ARL17B: variants seen among roughly 807,000 people sequenced by gnomAD.
ARL17B encodes the protein ARF like GTPase 17B.
At chr17:46,280,402 A>C (rs1425398138) in intron 4 of ARL17B, among the ~76,000 whole-genome samples, 1 of 150,510 alleles carries the variant, frequency 6.6e-6, no homozygotes, top group Non-Finnish European at 1.5e-5. Flanking sequence ...AGCCCAGTGC[A>C]GTGGCTCACG....
chr17:46,333,373 C>A (rs1259921455), downstream of ARL17B, among the ~76,000 whole-genome samples: 2 of 47,716 alleles, frequency 4.2e-5, no homozygotes, highest in African/African-American at 7.0e-5. Context: ...CATCTGGCTA[C>A]TCTGGGACAA....
chr17:46,279,598 C>G (rs1434788700), intron 4 of ARL17B, among the ~76,000 whole-genome samples: 1 of 147,764 alleles, frequency 6.8e-6, no homozygotes, highest in Non-Finnish European at 1.5e-5. Flanking sequence ...GTCTCCTGGG[C>G]TTAATCCTCC....
chr17:46,281,686 C>T (rs2049767538), intron 4 of ARL17B, among the ~76,000 whole-genome samples: 1 of 152,168 alleles, frequency 6.6e-6, no homozygotes, highest in Admixed American at 6.5e-5. Context: ...CACTGTCACC[C>T]AGGCTGGAGT....
intron 4 of ARL17B, among the ~76,000 whole-genome samples, chr17:46,281,564 G>A (rs946769663): frequency 6.6e-6 from 1 of 152,178 alleles, no homozygotes; most frequent in African/African-American, 2.4e-5. Flanking sequence ...TGAGTAGCTA[G>A]GACTACAGGT....
At chr17:46,281,676 C>T (rs2049767121) in intron 4 of ARL17B, among the ~76,000 whole-genome samples, 1 of 152,152 alleles carries the variant, frequency 6.6e-6, no homozygotes, top group South Asian at 2.1e-4. Flanking sequence ...GTGAGAGTCT[C>T]ACTGTCACCC....
Position 46,308,042 on chromosome 17 carries a change from C to T in ARL17B, c.260-8377G>A, listed in dbSNP as rs193041685. On this transcript the variant is annotated intron_variant, in intron 3 of 4. Transcript: ENST00000434041. ...ATAATAATAATATAATAATAATAAT[C>T]ATCATCATCATCTAGCCAGCTTCAC... Among the ~76,000 whole-genome samples, 2 of 72,334 alleles carry T rather than the reference C, an allele frequency of 2.8e-5. 1 individual carries two copies. Among genetic ancestry groups the T allele is most frequent in the East Asian group, 5.2e-4 (2 of 3,880 alleles). The allele number at this position is 72,334 out of a possible 152,430, so 47.5% of individuals were successfully genotyped here.
chr17:46,278,833 T>C (rs900341868), intron 4 of ARL17B, among the ~76,000 whole-genome samples: 1 of 152,208 alleles, frequency 6.6e-6, no homozygotes, highest in African/African-American at 2.4e-5. Flanking sequence ...ATTTTGCTCT[T>C]GTGGCCCAGG....
In ARL17B at chr17:46,292,984, C is replaced by A. The variant is rs1235033967; in HGVS notation, c.*21+6542G>T. ...TTTTTTTTTTTTTGAGATGGAGTCT[C>A]GCTCTGTTGTCCAGGCTGGAGTGCA... On this transcript the variant is annotated intron_variant, in intron 4 of 4. Transcript: ENST00000570618. 17 of 43,208 alleles carry A rather than the reference C, an allele frequency of 3.9e-4. 3 individuals are homozygous for A. Among genetic ancestry groups the A allele is most frequent in the African/African-American group, 9.1e-4 (16 of 17,604 alleles). The allele number at this position is 43,208 out of a possible 1,614,324, so 2.7% of individuals were successfully genotyped here. A position where few individuals can be genotyped will look rare whatever the true frequency, so the allele number is the denominator to read the frequency against.
At chr17:46,277,918 G>A (rs112243618) in intron 4 of ARL17B, among the ~76,000 whole-genome samples, 17,100 of 149,654 alleles carry the variant, frequency 0.11, no homozygotes, top group Non-Finnish European at 0.17. Flanking sequence ...CTAGGATTAC[G>A]GACATGAGCC....
At chr17:46,277,015 G>A (rs1193873831) in intron 4 of ARL17B, among the ~76,000 whole-genome samples, 2 of 152,214 alleles carry the variant, frequency 1.3e-5, no homozygotes, top group South Asian at 2.1e-4. Flanking sequence ...ATGTTGCCCA[G>A]GCTGGTCTCA....
intron 2 of ARL17B, among the ~76,000 whole-genome samples, chr17:46,356,274 CAATAAATAAA>C (rs1431694148): frequency 1.6e-5 from 1 of 63,706 alleles, no homozygotes; most frequent in Non-Finnish European, 2.9e-5. Flanking sequence ...AAAAATCAAT[CAATAAATAAA>C]AATAAATAAA....
intron 4 of ARL17B, among the ~76,000 whole-genome samples, chr17:46,279,184 C>CTTT (rs1189159774): frequency 4.4e-5 from 6 of 136,990 alleles, no homozygotes; most frequent in African/African-American, 5.5e-5. Flanking sequence ...TCTTTTTTTT[C>CTTT]TTTTTTTTTT....
At chr17:46,303,403 G>T (rs1275029955) in intron 3 of ARL17B, among the ~76,000 whole-genome samples, 1 of 58,006 alleles carries the variant, frequency 1.7e-5, no homozygotes. Flanking sequence ...GCTACCAAGA[G>T]AATAGACTGG....
chr17:46,285,560 G>A (rs2049885392), intron 4 of ARL17B, among the ~76,000 whole-genome samples: 1 of 152,158 alleles, frequency 6.6e-6, no homozygotes, highest in Non-Finnish European at 1.5e-5. Flanking sequence ...TCTTTCATAA[G>A]GAAAATAATA....
At chr17:46,306,037 T>G in intron 3 of ARL17B, among the ~76,000 whole-genome samples, 1 of 81,962 alleles carries the variant, frequency 1.2e-5, no homozygotes, top group Admixed American at 1.2e-4. Flanking sequence ...CATTCACTGT[T>G]TTGTATCTAA....
At chr17:46,274,539 C>T (rs1271697523), downstream of ARL17B, among the ~76,000 whole-genome samples, 6 of 152,282 alleles carry the variant, frequency 3.9e-5, no homozygotes, top group Admixed American at 1.3e-4. Context: ...TGTACTTTTA[C>T]GTACAGGAAT....
chr17:46,281,474 T>G (rs1356583443), intron 4 of ARL17B, among the ~76,000 whole-genome samples: 1 of 152,016 alleles, frequency 6.6e-6, no homozygotes, highest in Non-Finnish European at 1.5e-5. Context: ...ACTGCAGCCT[T>G]GAACTCCTGG....
intron 4 of ARL17B, among the ~76,000 whole-genome samples, chr17:46,290,851 C>A (rs2050047643): frequency 6.6e-6 from 1 of 152,214 alleles, no homozygotes; most frequent in Non-Finnish European, 1.5e-5. Context: ...ATTCCCCACG[C>A]CAAAATTTCA....
chr17:46,323,323 C>T (rs557151188), intron 3 of ARL17B, among the ~76,000 whole-genome samples: 1 of 75,906 alleles, frequency 1.3e-5, no homozygotes, highest in Non-Finnish European at 3.1e-5. Flanking sequence ...TATACTTTTG[C>T]CTTTTCCAGA....
Sources: allele counts gnomAD v4.1 joint callset (sites outside exome capture counted in the v4.1 genomes callset), GRCh38; gene constraint gnomAD v4.1.1; transcripts MANE v1.5; gene names NCBI Gene and HGNC (gene_info 2026-07-23, HGNC 2026-07-21).